PRKCA: variants seen among roughly 807,000 people sequenced by gnomAD.
The protein encoded by PRKCA is protein kinase C alpha, also known as protein kinase C alpha type.
Under a neutral mutation model 87.0 loss-of-function variants are expected in PRKCA, and 27 were observed. The observed-to-expected ratio is 0.31, with a 90% confidence interval of 0.23 to 0.43. The LOEUF is 0.43. Among genes scored for constraint, PRKCA ranks in the 20% least tolerant of loss-of-function variants. PRKCA has a pLI of 1.00. For missense variants in PRKCA, 518 were observed against 852.3 expected, an observed-to-expected ratio of 0.61 and a Z score of 4.88; for synonymous variants, 329 against 311.1, an observed-to-expected ratio of 1.06 and a Z score of -0.61.
intron 2 of PRKCA, among the ~76,000 whole-genome samples, chr17:66,373,119 C>A (rs1247220448): frequency 6.6e-6 from 1 of 151,988 alleles, no homozygotes; most frequent in Non-Finnish European, 1.5e-5. Context: ...AATAAATATA[C>A]CTAACAATTA....
At chr17:66,555,612 C>T (rs971317253) in intron 3 of PRKCA, among the ~76,000 whole-genome samples, 8 of 152,132 alleles carry the variant, frequency 5.3e-5, no homozygotes, top group Admixed American at 4.6e-4. Context: ...AATTTCTAGA[C>T]AACTTGTAGC....
intron 2 of PRKCA, among the ~76,000 whole-genome samples, chr17:66,336,754 T>TGTGTG (rs1906705828): frequency 1.5e-5 from 2 of 133,664 alleles, no homozygotes; most frequent in Non-Finnish European, 3.2e-5. Flanking sequence ...GCAAATAAGT[T>TGTGTG]TGTGTGTGTG....
intron 13 of PRKCA, among the ~76,000 whole-genome samples, chr17:66,772,819 C>G (rs1974968948): frequency 6.6e-6 from 1 of 152,124 alleles, no homozygotes; most frequent in South Asian, 2.1e-4. Flanking sequence ...TCACCAATTT[C>G]AACAGCTGCC....
Position 66,302,904 on chromosome 17 carries a change from A to C in PRKCA, c.53A>C (p.Asn18Thr). 2 of 1,611,856 alleles carry C rather than the reference A, an allele frequency of 1.2e-6. No individual in the cohort carries two copies. The highest frequency in any genetic ancestry group is 1.7e-6 in the Non-Finnish European group (2 of 1,178,760). The change falls in exon 1 of 17, where the codon AAC becomes ACC. Residue 18 changes from asparagine to threonine, a missense_variant. Around this residue, in one of 5 missense-constraint regions of PRKCA, gnomAD observed 33 missense variants for 34.1 expected, o/e 0.97. Transcript: ENST00000413366. The stretch of plus-strand genomic sequence containing the variant: ...TCCACGGCGTCTCAGGACGTGGCCA[A>C]CCGCTTCGCCCGCAAAGGGGCGCTG... ...NDSTASQDVA[N>T]RFARKGALRQ...
In PRKCA at chr17:66,723,672, G is replaced by A. The variant is rs1973672340; in HGVS notation, c.919-9016G>A. Among the ~76,000 whole-genome samples the A allele has an allele frequency of 2.6e-5, 4 of 151,784 alleles. No individual in the cohort carries two copies. In the South Asian group the frequency reaches 8.3e-4, roughly 32 times the overall value. Reference sequence around the variant, plus strand: ...AGGAAGATGACGACCAGGGTGGAGGGAATAAAGCATGGGGTGCTACACTAG... The same window carrying A: ...AGGAAGATGACGACCAGGGTGGAGGAAATAAAGCATGGGGTGCTACACTAG... On this transcript the variant is annotated intron_variant, in intron 8 of 16. Coordinates refer to ENST00000413366, the MANE Select transcript of PRKCA (RefSeq NM_002737.3).
At chr17:66,727,596 A>C (rs1474845064) in intron 8 of PRKCA, among the ~76,000 whole-genome samples, 1 of 150,762 alleles carries the variant, frequency 6.6e-6, no homozygotes, top group Non-Finnish European at 1.5e-5. Context: ...TTATTTCAAC[A>C]TTTTTTTTTC....
intron 2 of PRKCA, among the ~76,000 whole-genome samples, chr17:66,354,325 A>G (rs1282027929): frequency 6.6e-6 from 1 of 152,198 alleles, no homozygotes; most frequent in Non-Finnish European, 1.5e-5. Flanking sequence ...AAATACATGC[A>G]GCTCTGCTCC....
intron 2 of PRKCA, among the ~76,000 whole-genome samples, chr17:66,332,910 C>T (rs1376691251): frequency 6.6e-6 from 1 of 152,118 alleles, no homozygotes; most frequent in East Asian, 1.9e-4. Context: ...CCAGGATGGT[C>T]TCAATCTCCT....
chr17:66,718,026 G>A (rs960306361), intron 8 of PRKCA, among the ~76,000 whole-genome samples: 35 of 152,238 alleles, frequency 2.3e-4, no homozygotes, highest in African/African-American at 8.2e-4. Flanking sequence ...TCAGAAGGAA[G>A]TGGGGTGGCT....
intron 3 of PRKCA, among the ~76,000 whole-genome samples, chr17:66,629,942 T>C (rs1183684992): frequency 6.6e-6 from 1 of 152,240 alleles, no homozygotes; most frequent in East Asian, 1.9e-4. Context: ...GTTTTGATCA[T>C]GTGCTATGGT....
At chr17:66,696,034 A>G (rs1210430341) in intron 8 of PRKCA, among the ~76,000 whole-genome samples, 1 of 152,250 alleles carries the variant, frequency 6.6e-6, no homozygotes, top group Non-Finnish European at 1.5e-5. Context: ...ACCAGTTCCC[A>G]TCCTGTCCCT....
intron 3 of PRKCA, among the ~76,000 whole-genome samples, chr17:66,525,534 G>A (rs16959514): frequency 0.14 from 21,258 of 152,074 alleles, 1,793 homozygotes; most frequent in East Asian, 0.3. Context: ...ACAGATTAGC[G>A]CTGGCACGTG....
intron 3 of PRKCA, among the ~76,000 whole-genome samples, chr17:66,498,404 C>A (rs1453364309): frequency 6.6e-6 from 1 of 152,148 alleles, no homozygotes; most frequent in Non-Finnish European, 1.5e-5. Flanking sequence ...ATTTCTGCCC[C>A]ATCAAGAATG....
At chr17:66,430,987 A>G (rs1913070918) in intron 2 of PRKCA, among the ~76,000 whole-genome samples, 1 of 152,174 alleles carries the variant, frequency 6.6e-6, no homozygotes, top group African/African-American at 2.4e-5. Context: ...TGGAGTGTTA[A>G]TTTGCTTCAT....
chr17:66,567,444 AG>A (rs1968936568), intron 3 of PRKCA, among the ~76,000 whole-genome samples: 1 of 152,190 alleles, frequency 6.6e-6, no homozygotes, highest in African/African-American at 2.4e-5. Flanking sequence ...CAGGGCAATA[AG>A]GCCCTTAAGC....
At chr17:66,426,636 A>G (rs1037060194) in intron 2 of PRKCA, among the ~76,000 whole-genome samples, 2 of 152,202 alleles carry the variant, frequency 1.3e-5, no homozygotes, top group Non-Finnish European at 2.9e-5. Flanking sequence ...GTTTTGTTCA[A>G]CTGTCCAACC....
intron 3 of PRKCA, among the ~76,000 whole-genome samples, chr17:66,504,182 T>C (rs1415314433): frequency 2.6e-5 from 4 of 152,192 alleles, no homozygotes; most frequent in Admixed American, 1.3e-4. Context: ...CATTGATTGA[T>C]AGCCCTGTAC....
chr17:66,512,105 A>AT (rs1238689818), intron 3 of PRKCA, among the ~76,000 whole-genome samples: 1 of 152,056 alleles, frequency 6.6e-6, no homozygotes, highest in Non-Finnish European at 1.5e-5. Flanking sequence ...TTCCATTCCC[A>AT]TCCCCTACAG....
rs563969417 is a variant in PRKCA, at chr17:66,319,991, C to T, written c.205+13864C>T. 2.0e-5 allele frequency among the ~76,000 whole-genome samples: 3 copies of T among 152,178 alleles called. No homozygotes were observed. In the South Asian group the frequency reaches 6.2e-4, roughly 32 times the overall value. ...ACACCTGACCTCAAGTGATCTGCCA[C>T]ACTTCAGCCTCCCAAAGTGGTGGGA... On this transcript the variant is annotated intron_variant, in intron 2 of 16. Transcript: ENST00000413366.
Sources: allele counts gnomAD v4.1 joint callset (sites outside exome capture counted in the v4.1 genomes callset), GRCh38; gene constraint gnomAD v4.1.1; regional missense constraint gnomAD v4.1.1; transcripts MANE v1.5; gene names NCBI Gene and HGNC (gene_info 2026-07-23, HGNC 2026-07-21).